ASTN2: variants seen among roughly 807,000 people sequenced by gnomAD.
The protein encoded by ASTN2 is astrotactin-2.
In ASTN2, 54 loss-of-function variants were observed where a neutral mutation model predicts 139.8. The ratio of observed to expected loss-of-function variants is 0.39; its 90% CI spans 0.31 to 0.48. The LOEUF (loss-of-function observed/expected upper bound fraction) is 0.48. Among genes scored for constraint, ASTN2 ranks in the 20% least tolerant of loss-of-function variants. The pLI, the probability that ASTN2 is intolerant of heterozygous loss-of-function variation, is 0.95. For synonymous variants in ASTN2, 756 were observed against 719.5 expected (o/e 1.05, Z -0.81); for missense variants, 1,565 against 1,725.1 (o/e 0.91, Z 1.64).
intron 11 of ASTN2, among the ~76,000 whole-genome samples, chr9:116,857,485 T>C (rs111364323): frequency 1.4e-4 from 21 of 152,328 alleles, no homozygotes; most frequent in African/African-American, 4.3e-4. Context: ...GTTTTGCTCC[T>C]GGTCCATTCA....
At chr9:117,107,791 A>G (rs1418012282) in intron 4 of ASTN2, among the ~76,000 whole-genome samples, 1 of 152,174 alleles carries the variant, frequency 6.6e-6, no homozygotes, top group East Asian at 1.9e-4. Flanking sequence ...GGTCTTTCCT[A>G]TCATGTATTT....
At chr9:116,545,440 G>C (rs1378759106) in intron 19 of ASTN2, among the ~76,000 whole-genome samples, 1 of 152,146 alleles carries the variant, frequency 6.6e-6, no homozygotes. Context: ...TTTCAAAGCA[G>C]TAGAATCCAC....
chr9:116,842,158 G>A (rs574573279), intron 11 of ASTN2, among the ~76,000 whole-genome samples: 6 of 152,344 alleles, frequency 3.9e-5, no homozygotes, highest in African/African-American at 7.2e-5. Context: ...GTTATCGGAG[G>A]ACTTTGGTGC....
At chr9:116,479,348 T>C (rs1286617277) in intron 20 of ASTN2, among the ~76,000 whole-genome samples, 2 of 152,190 alleles carry the variant, frequency 1.3e-5, no homozygotes, top group Non-Finnish European at 2.9e-5. Flanking sequence ...TCATCTAATA[T>C]ATAATTATAG....
chr9:117,217,861 C>T (rs927781172), intron 2 of ASTN2, among the ~76,000 whole-genome samples: 2 of 152,200 alleles, frequency 1.3e-5, no homozygotes, highest in Non-Finnish European at 2.9e-5. Context: ...ACCTATTCTG[C>T]ACAACTTGCC....
At chr9:117,105,935 G>A (rs1334095) in intron 4 of ASTN2, among the ~76,000 whole-genome samples, 79,019 of 152,104 alleles carry the variant, frequency 0.52, 21,485 homozygotes, top group African/African-American at 0.71. Flanking sequence ...GGACACAGAG[G>A]GTCAGAGACA....
At chr9:116,429,539 C>T (rs566497016) in intron 22 of ASTN2, among the ~76,000 whole-genome samples, 8 of 152,194 alleles carry the variant, frequency 5.3e-5, no homozygotes, top group Middle Eastern at 3.4e-3. Context: ...AGTCAGTACA[C>T]GTCAAACTCT....
chr9:116,819,981 C>T (rs1272331861), intron 12 of ASTN2, among the ~76,000 whole-genome samples: 2 of 152,186 alleles, frequency 1.3e-5, no homozygotes, highest in Non-Finnish European at 1.5e-5. Context: ...TGTCAGAAGT[C>T]ACTCAGCAAG....
intron 16 of ASTN2, among the ~76,000 whole-genome samples, chr9:116,713,697 G>A (rs753006425): frequency 6.6e-6 from 1 of 152,158 alleles, no homozygotes; most frequent in Non-Finnish European, 1.5e-5. Flanking sequence ...AGAAAGAGAA[G>A]GCATGAGAGA....
chr9:116,970,339 G>A (rs916719616), intron 10 of ASTN2, among the ~76,000 whole-genome samples: 2 of 152,088 alleles, frequency 1.3e-5, no homozygotes, highest in Non-Finnish European at 2.9e-5. Flanking sequence ...TAGGTCATGC[G>A]AATGCTACTG....
chr9:116,570,970 A>C (rs1853481493), intron 19 of ASTN2, among the ~76,000 whole-genome samples: 1 of 152,252 alleles, frequency 6.6e-6, no homozygotes, highest in South Asian at 2.1e-4. Context: ...AAGGAGATAC[A>C]TCCTGAGAGT....
chr9:116,610,358 A>C (rs571945783), intron 19 of ASTN2, among the ~76,000 whole-genome samples: 1 of 152,328 alleles, frequency 6.6e-6, no homozygotes, highest in East Asian at 1.9e-4. Context: ...TAATCCCAGC[A>C]CTTTGTGAGG....
At chr9:117,209,979 G>A (rs1832067639) in intron 3 of ASTN2, among the ~76,000 whole-genome samples, 1 of 152,050 alleles carries the variant, frequency 6.6e-6, no homozygotes, top group Non-Finnish European at 1.5e-5. Flanking sequence ...AAGAAATTAA[G>A]AATAAAATTT....
chr9:116,693,687 G>GA (rs1159446397), intron 16 of ASTN2, among the ~76,000 whole-genome samples: 1 of 152,206 alleles, frequency 6.6e-6, no homozygotes, highest in Non-Finnish European at 1.5e-5. Flanking sequence ...GAGCCAAGAT[G>GA]ATACATAGCA....
intron 2 of ASTN2, among the ~76,000 whole-genome samples, chr9:117,280,536 G>A (rs1396605196): frequency 6.6e-6 from 1 of 152,086 alleles, no homozygotes; most frequent in African/African-American, 2.4e-5. Context: ...GGAGGCGGAC[G>A]TAGAAATTAG....
At chr9:117,212,687 G>T (rs1832177701) in intron 3 of ASTN2, among the ~76,000 whole-genome samples, 1 of 152,112 alleles carries the variant, frequency 6.6e-6, no homozygotes, top group African/African-American at 2.4e-5. Flanking sequence ...ACGAAAACAT[G>T]CTCCTTATTA....
intron 2 of ASTN2, among the ~76,000 whole-genome samples, chr9:117,254,849 T>C (rs1007034181): frequency 3.0e-4 from 45 of 152,346 alleles, no homozygotes; most frequent in African/African-American, 1.1e-3. Context: ...TTTCTGTTCC[T>C]TTCCATTCCA....
chr9:116,610,096 A>G (rs543143174), intron 19 of ASTN2, among the ~76,000 whole-genome samples: 85 of 152,302 alleles, frequency 5.6e-4, no homozygotes, highest in African/African-American at 1.9e-3. Context: ...ACCTAAACAT[A>G]CAAATATCAC....
chr9:117,225,574 T>TAC (rs58499034), intron 2 of ASTN2, among the ~76,000 whole-genome samples: 2,626 of 77,878 alleles, frequency 0.034, 450 homozygotes, highest in East Asian at 0.11. Context: ...TATATATATA[T>TAC]ACAGATGAAC....
Sources: gnomAD v4.1 joint callset for allele counts (sites outside exome capture counted in the v4.1 genomes callset) on GRCh38, gnomAD v4.1.1 for gene constraint, MANE v1.5 for transcripts, NCBI Gene and HGNC (gene_info 2026-07-23, HGNC 2026-07-21) for gene names.